DNAH8: variants seen among roughly 807,000 people sequenced by gnomAD.
DNAH8 encodes dynein axonemal heavy chain 8.
Under a neutral mutation model 562.1 loss-of-function variants are expected in DNAH8, and 382 were observed. The ratio of observed to expected loss-of-function variants is 0.68; its 90% CI spans 0.63 to 0.74. The LOEUF is 0.74. DNAH8 is among the 30% of genes least tolerant of loss of function. The probability of loss-of-function intolerance (pLI) is 0.00; values close to 1 mark genes in which losing one functional copy is unlikely to be tolerated. For missense variants in DNAH8, 5,203 were observed against 5,620.4 expected, an observed-to-expected ratio of 0.93 and a Z score of 2.37; for synonymous variants, 1,881 against 1,919.4, an observed-to-expected ratio of 0.98 and a Z score of 0.52.
chr6:38,904,230 A>G (rs1272882798), intron 62 of DNAH8, among the ~76,000 whole-genome samples: 8 of 152,202 alleles, frequency 5.3e-5, no homozygotes, highest in Admixed American at 5.2e-4. Context: ...CAGTGTCCAT[A>G]GATAATAAGA....
intron 26 of DNAH8, among the ~76,000 whole-genome samples, chr6:38,815,944 A>G (rs763520313): frequency 1.4e-4 from 22 of 152,182 alleles, no homozygotes; most frequent in Non-Finnish European, 2.2e-4. Context: ...GGTAAACATA[A>G]ATTCGTCACT....
chr6:38,724,638 C>T (rs1763055694), intron 3 of DNAH8, among the ~76,000 whole-genome samples: 1 of 152,174 alleles, frequency 6.6e-6, no homozygotes, highest in African/African-American at 2.4e-5. Flanking sequence ...ACACTACTAA[C>T]AGTTTTGGAT....
intron 21 of DNAH8, among the ~76,000 whole-genome samples, chr6:38,792,350 G>A (rs892902015): frequency 1.3e-5 from 2 of 152,122 alleles, no homozygotes; most frequent in African/African-American, 4.8e-5. Flanking sequence ...GCCTCCCAAA[G>A]TGCTGGGATT....
chr6:39,006,031 A>G (rs1340946925), intron 88 of DNAH8, among the ~76,000 whole-genome samples: 1 of 152,254 alleles, frequency 6.6e-6, no homozygotes, highest in African/African-American at 2.4e-5. Flanking sequence ...CCTTCAGCTG[A>G]CAGCCAGCAA....
chr6:39,010,809 A>G (rs1364253083), intron 89 of DNAH8, among the ~76,000 whole-genome samples: 1 of 136,852 alleles, frequency 7.3e-6, no homozygotes, highest in African/African-American at 2.6e-5. Context: ...ACGCACACAC[A>G]CACACACACA....
intron 37 of DNAH8, 37 bp downstream of exon 37, chr6:38,848,838 T>C (rs1373928417): frequency 1.3e-6 from 2 of 1,594,192 alleles, no homozygotes; most frequent in South Asian, 1.1e-5. Flanking sequence ...TAAAATAATT[T>C]GGTGTATGTT....
chr6:38,893,295 C>G (rs766775796), intron 58 of DNAH8, among the ~76,000 whole-genome samples: 25 of 152,220 alleles, frequency 1.6e-4, no homozygotes, highest in Non-Finnish European at 1.6e-4. Flanking sequence ...ATCAGCCCAC[C>G]TTTGTATTAC....
chr6:38,908,621 T>C (rs1780659903), intron 64 of DNAH8, among the ~76,000 whole-genome samples: 1 of 152,196 alleles, frequency 6.6e-6, no homozygotes, highest in Non-Finnish European at 1.5e-5. Context: ...GGCATGATCA[T>C]GGCTCACTGC....
Position 38,737,907 on chromosome 6 carries a change from A to G in DNAH8, c.1051A>G (p.Ser351Gly), listed in dbSNP as rs762501541. The G allele has an allele frequency of 6.2e-7, 1 of 1,607,234 alleles. No homozygotes were observed. Among genetic ancestry groups the G allele is most frequent in the Non-Finnish European group, 8.5e-7 (1 of 1,177,432 alleles). ...CTTTGAAGAAGTAACTGCTGCAGCC[A>G]GCAACTCAGAAACTGTTCATCAGCT... ...HTFEEVTAAA[S>G]NSETVHQLEE... The change falls in exon 7 of 93, where the codon AGC becomes GGC. Residue 351 changes from serine (S) to glycine (G), a missense_variant. Physicochemically the swap from Ser to Gly is moderately conservative, Grantham distance 56. Around this residue, in one of 6 missense-constraint regions of DNAH8, gnomAD observed 556 missense variants for 496.9 expected, o/e 1.12. Transcript: ENST00000327475.
Position 38,832,388 on chromosome 6 carries a change from G to A in DNAH8, c.4255G>A (p.Glu1419Lys), listed in dbSNP as rs9357283. 0.14 allele frequency: 227,018 copies of A among 1,612,410 alleles called. 17,470 individuals are homozygous for A. The highest frequency in any genetic ancestry group is 0.32 in the East Asian group (14,517 of 44,790). ...TAAAAGCAATCTACTTGAGTCTGTG[G>A]AAGTTTTTCGTGAGGACGTGATAAA... The part of the protein sequence containing the change: ...KFKSNLLESV[E>K]VFREDVINFA... The change falls in exon 31 of 93, where the codon GAA becomes AAA. Residue 1419 changes from glutamate (E) to lysine (K), a missense_variant. Coordinates refer to ENST00000327475, the MANE Select transcript of DNAH8 (RefSeq NM_001206927.2).
intron 79 of DNAH8, among the ~76,000 whole-genome samples, chr6:38,940,407 T>C (rs550126910): frequency 1.4e-3 from 208 of 152,180 alleles, no homozygotes; most frequent in African/African-American, 4.6e-3. Context: ...GAGTGGGGGA[T>C]TGCTGGATGT....
rs1480630966 is a variant in DNAH8 at position 38,974,517 on chromosome 6, C to T, written c.12822C>T (p.His4274=). The T allele has an allele frequency of 1.2e-6, 2 of 1,613,590 alleles. No homozygotes were observed. The highest frequency in any genetic ancestry group is 1.7e-6 in the Non-Finnish European group (2 of 1,179,676). ...KPMLYTVAFL[H]STVQERRKFG... is the part of the protein sequence containing the mutation. ...TGCTTTACACAGTAGCATTTTTACA[C>T]TCCACTGTGCAGGTAACTGCAGAAA... The change falls in exon 85 of 93, where the codon CAC becomes CAT. Residue 4274 remains histidine, a synonymous_variant. Transcript: ENST00000327475.
chr6:38,725,304 T>TATAATAATAATAATA (rs10526350), intron 3 of DNAH8, among the ~76,000 whole-genome samples: 22,891 of 135,084 alleles, frequency 0.17, 2,168 homozygotes, highest in South Asian at 0.21. Flanking sequence ...CTCCAACTCA[T>TATAATAATAATAATA]ATAATAATAA....
intron 41 of DNAH8, among the ~76,000 whole-genome samples, chr6:38,853,878 C>T (rs1442035230): frequency 6.6e-6 from 1 of 152,048 alleles, no homozygotes; most frequent in Admixed American, 6.6e-5. Flanking sequence ...TTATTGACTA[C>T]TACACTGAAA....
intron 40 of DNAH8, 37 bp downstream of exon 40, chr6:38,852,835 T>C (rs1050359747): frequency 2.6e-6 from 4 of 1,521,986 alleles, no homozygotes; most frequent in Non-Finnish European, 3.6e-6. Flanking sequence ...TATTAGAATT[T>C]CTTTAAAAAC....
chr6:38,860,339 A>AT, intron 42 of DNAH8, 118 bp from the exon 43 acceptor site: 1 of 525,046 alleles, frequency 1.9e-6, no homozygotes, highest in South Asian at 6.6e-5. Context: ...GAAACTCAAT[A>AT]AATATTTGTT....
intron 21 of DNAH8, 31 bp from the exon 22 acceptor site, chr6:38,803,148 G>A: frequency 6.7e-7 from 1 of 1,490,986 alleles, no homozygotes; most frequent in Non-Finnish European, 9.0e-7. Flanking sequence ...TTAAGTATCT[G>A]GAAAATAATA....
chr6:38,994,564 G>T (rs1326279047), intron 88 of DNAH8, among the ~76,000 whole-genome samples: 1 of 150,252 alleles, frequency 6.7e-6, no homozygotes, highest in Non-Finnish European at 1.5e-5. Context: ...TATCCATTAG[G>T]AATTTACCTA....
chr6:38,946,059 A>T (rs1026607461), intron 80 of DNAH8, among the ~76,000 whole-genome samples: 1 of 152,080 alleles, frequency 6.6e-6, no homozygotes, highest in African/African-American at 2.4e-5. Flanking sequence ...TTTTTTTCTT[A>T]TTTGAAAATG....
Sources: allele counts gnomAD v4.1 joint callset (sites outside exome capture counted in the v4.1 genomes callset), GRCh38; gene constraint gnomAD v4.1.1; regional missense constraint gnomAD v4.1.1; transcripts MANE v1.5; gene names NCBI Gene and HGNC (gene_info 2026-07-23, HGNC 2026-07-21).